Variants in RBFOX1 observed in about 807,000 individuals in gnomAD.
The protein encoded by RBFOX1 is RNA binding fox-1 homolog 1.
Under a neutral mutation model 57.7 loss-of-function variants are expected in RBFOX1, and 8 were observed. That is an observed-to-expected ratio of 0.14 (90% confidence interval 0.08 to 0.25). RBFOX1 has a LOEUF of 0.25. RBFOX1 is among the 10% of genes least tolerant of loss of function. RBFOX1 has a pLI of 1.00. For missense variants in RBFOX1, 611 were observed against 548.5 expected (o/e 1.11, Z -1.14); for synonymous variants, 326 against 222.4 (o/e 1.47, Z -4.15).
chr16:5,621,735 C>T (rs925793005), intron 3 of RBFOX1, among the ~76,000 whole-genome samples: 2 of 152,140 alleles, frequency 1.3e-5, no homozygotes, highest in Non-Finnish European at 2.9e-5. Context: ...TGTTGCCCCA[C>T]CCTTATTAAG....
At chr16:5,266,536 T>C (rs539061456) in intron 1 of RBFOX1, among the ~76,000 whole-genome samples, 4 of 141,792 alleles carry the variant, frequency 2.8e-5, no homozygotes, top group East Asian at 4.2e-4. Flanking sequence ...GTTGGTAATA[T>C]GGAAATGTTC....
rs111998766 is a variant in RBFOX1, at chr16:6,935,756, A to G, written c.-15-116301A>G. On this transcript the variant is annotated intron_variant, in intron 3 of 15. Transcript: ENST00000550418. Reference sequence around the variant, plus strand: ...TTCCTTGTTTTAATCAGAAGAATGGAAAGTGCTTTGTAGAGGCGAGGTGGA... The same window carrying G: ...TTCCTTGTTTTAATCAGAAGAATGGGAAGTGCTTTGTAGAGGCGAGGTGGA... Among the ~76,000 whole-genome samples the G allele has an allele frequency of 8.8e-3, 1,339 of 152,296 alleles. 26 individuals carry two copies. Among genetic ancestry groups the G allele is most frequent in the African/African-American group, 0.031 (1,295 of 41,570 alleles).
chr16:5,606,474 C>T (rs900457617), intron 3 of RBFOX1, among the ~76,000 whole-genome samples: 1 of 151,986 alleles, frequency 6.6e-6, no homozygotes, highest in Non-Finnish European at 1.5e-5. Flanking sequence ...CCTTCCTCAC[C>T]TTCTCTCTCA....
At chr16:6,837,007 A>T (rs187239100) in intron 3 of RBFOX1, among the ~76,000 whole-genome samples, 2 of 152,130 alleles carry the variant, frequency 1.3e-5, no homozygotes, top group Non-Finnish European at 2.9e-5. Context: ...CTTCTCACGG[A>T]TGAACACACC....
chr16:6,859,811 T>C (rs2058686313), intron 3 of RBFOX1, among the ~76,000 whole-genome samples: 1 of 151,354 alleles, frequency 6.6e-6, no homozygotes, highest in African/African-American at 2.4e-5. Context: ...AGTATATTTT[T>C]TCTGCCATTC....
At chr16:6,618,865 T>G (rs1297862767) in intron 2 of RBFOX1, among the ~76,000 whole-genome samples, 2 of 152,170 alleles carry the variant, frequency 1.3e-5, no homozygotes, top group African/African-American at 2.4e-5. Context: ...GGACCCTGTG[T>G]TCACTCTTGT....
At chr16:7,369,164 C>G (rs1041141710) in intron 4 of RBFOX1, among the ~76,000 whole-genome samples, 1 of 152,018 alleles carries the variant, frequency 6.6e-6, no homozygotes, top group Non-Finnish European at 1.5e-5. Flanking sequence ...CCACAGTCTG[C>G]TTAATATAGG....
chr16:6,083,924 G>C (rs1386335234), intron 1 of RBFOX1, among the ~76,000 whole-genome samples: 1 of 152,196 alleles, frequency 6.6e-6, no homozygotes, highest in African/African-American at 2.4e-5. Flanking sequence ...GATGGGTCAA[G>C]AAGAAGTCTC....
At position 7,048,252 on chromosome 16, in the gene RBFOX1, G is replaced by C. The variant is rs534497849; in HGVS notation, c.-15-3805G>C. Among the ~76,000 whole-genome samples the C allele has an allele frequency of 2.7e-5, 4 of 150,890 alleles. No homozygotes were observed. The East Asian group carries it at 7.9e-4, about 30-fold the overall frequency. On this transcript the variant is annotated intron_variant, in intron 3 of 15. Transcript: ENST00000550418. ...TGTAAAATTTCCTTTTGATTTTTTT[G>C]TTTTGTTTTGTTTGTTTGTTTGTTT...
At chr16:6,976,688 C>G (rs574778719) in intron 3 of RBFOX1, among the ~76,000 whole-genome samples, 2 of 148,214 alleles carry the variant, frequency 1.3e-5, no homozygotes, top group Admixed American at 1.4e-4. Flanking sequence ...TATATCATAC[C>G]TATAGCATAC....
At chr16:6,523,921 T>G (rs2096543177) in intron 2 of RBFOX1, among the ~76,000 whole-genome samples, 1 of 152,216 alleles carries the variant, frequency 6.6e-6, no homozygotes, top group African/African-American at 2.4e-5. Context: ...ATGAGACATT[T>G]TGATACAGGG....
chr16:5,490,693 C>T (rs1262192375), intron 2 of RBFOX1, among the ~76,000 whole-genome samples: 1 of 152,170 alleles, frequency 6.6e-6, no homozygotes, highest in Non-Finnish European at 1.5e-5. Context: ...TTCAAGGAGG[C>T]CTGGCCAGGC....
intron 3 of RBFOX1, among the ~76,000 whole-genome samples, chr16:6,807,809 C>T (rs148588541): frequency 8.6e-5 from 13 of 151,436 alleles, no homozygotes; most frequent in African/African-American, 2.9e-4. Flanking sequence ...AGCGAGACTC[C>T]ATCTCAAAAA....
At chr16:5,333,499 C>T (rs187269713) in intron 1 of RBFOX1, among the ~76,000 whole-genome samples, 24 of 152,280 alleles carry the variant, frequency 1.6e-4, no homozygotes, top group African/African-American at 5.8e-4. Context: ...AAAGCTGCTC[C>T]TCACACAGTT....
At chr16:7,169,380 T>C (rs2080225199) in intron 4 of RBFOX1, among the ~76,000 whole-genome samples, 1 of 152,218 alleles carries the variant, frequency 6.6e-6, no homozygotes, top group Non-Finnish European at 1.5e-5. Context: ...TTACTTGTTA[T>C]GGGCCAGGGG....
chr16:6,304,656 G>C, intron 1 of RBFOX1, among the ~76,000 whole-genome samples: 1 of 152,066 alleles, frequency 6.6e-6, no homozygotes, highest in Admixed American at 6.5e-5. Flanking sequence ...GTGGCAGCAA[G>C]CGGATCACTT....
At chr16:6,148,940 A>T (rs1384729808) in intron 1 of RBFOX1, among the ~76,000 whole-genome samples, 2 of 152,138 alleles carry the variant, frequency 1.3e-5, no homozygotes, top group African/African-American at 2.4e-5. Flanking sequence ...TTCATTAAAA[A>T]ATTCCAAGGC....
At chr16:7,177,196 C>T (rs923888537) in intron 4 of RBFOX1, among the ~76,000 whole-genome samples, 2 of 152,160 alleles carry the variant, frequency 1.3e-5, no homozygotes, top group African/African-American at 2.4e-5. Context: ...TGGAGAATAG[C>T]GACAATACAA....
intron 4 of RBFOX1, among the ~76,000 whole-genome samples, chr16:7,171,615 A>C (rs1348781136): frequency 6.6e-6 from 1 of 152,304 alleles, no homozygotes; most frequent in East Asian, 1.9e-4. Flanking sequence ...TGGTGTCTTT[A>C]TCAATGACAT....
Sources: gnomAD v4.1 joint callset for allele counts (sites outside exome capture counted in the v4.1 genomes callset) on GRCh38, gnomAD v4.1.1 for gene constraint, MANE v1.5 for transcripts, NCBI Gene and HGNC (gene_info 2026-07-23, HGNC 2026-07-21) for gene names.